The following FMN2 variants were observed in gnomAD, a reference collection of about 807,000 sequenced individuals.
The protein encoded by FMN2 is formin 2.
Under a neutral mutation model 142.3 loss-of-function variants are expected in FMN2, and 51 were observed. That is an observed-to-expected ratio of 0.36 (90% CI 0.29 to 0.45). The LOEUF (loss-of-function observed/expected upper bound fraction) is 0.45. Ranked by LOEUF, FMN2 falls within the 20% of genes least tolerant of loss-of-function variation. The pLI is 1.00. For missense variants in FMN2, 1,936 were observed against 2,122.8 expected, an observed-to-expected ratio of 0.91 and a Z score of 1.73; for synonymous variants, 882 against 869.8, an observed-to-expected ratio of 1.01 and a Z score of -0.25.
chr1:240,099,430 A>T (rs1479093081), intron 1 of FMN2, among the ~76,000 whole-genome samples: 2 of 150,316 alleles, frequency 1.3e-5, no homozygotes, highest in African/African-American at 4.9e-5. Context: ...AAAGCATATG[A>T]TGGGGTGTGG....
intron 4 of FMN2, among the ~76,000 whole-genome samples, chr1:240,190,033 T>C (rs1665640886): frequency 6.6e-6 from 1 of 152,192 alleles, no homozygotes; most frequent in East Asian, 1.9e-4. Flanking sequence ...ATATCAACAA[T>C]GATAAAACAT....
chr1:240,189,626 T>C (rs1665623488), intron 4 of FMN2, among the ~76,000 whole-genome samples: 1 of 152,220 alleles, frequency 6.6e-6, no homozygotes, highest in Admixed American at 6.5e-5. Flanking sequence ...AAAATGCGGC[T>C]AGGTTAGCTA....
At chr1:240,171,151 G>A in intron 2 of FMN2, 2 of 1,061,512 alleles carry the variant, frequency 1.9e-6, no homozygotes, top group Middle Eastern at 3.0e-4. Context: ...TGTAGAAAGT[G>A]TCCCAAAGTT....
At chr1:240,230,078 G>A (rs534828298) in intron 6 of FMN2, among the ~76,000 whole-genome samples, 1 of 131,592 alleles carries the variant, frequency 7.6e-6, no homozygotes, top group East Asian at 2.2e-4. Flanking sequence ...CCTTTTGGGA[G>A]GCTGAGGTGG....
At chr1:240,160,340 C>T (rs1664227770) in intron 2 of FMN2, among the ~76,000 whole-genome samples, 1 of 151,424 alleles carries the variant, frequency 6.6e-6, no homozygotes. Context: ...TAAAGGAATG[C>T]AAGGCTGGTT....
intron 2 of FMN2, among the ~76,000 whole-genome samples, chr1:240,128,913 G>T (rs1332648112): frequency 1.3e-5 from 2 of 151,948 alleles, no homozygotes; most frequent in African/African-American, 2.4e-5. Context: ...TCATTATGCT[G>T]CCCAGGATGG....
At chr1:240,225,502 A>G (rs1196942642) in intron 6 of FMN2, among the ~76,000 whole-genome samples, 1 of 152,258 alleles carries the variant, frequency 6.6e-6, no homozygotes, top group Non-Finnish European at 1.5e-5. Flanking sequence ...AGCCAGAAAC[A>G]GATTTCACTG....
At chr1:240,421,387 G>T (rs1416700284) in intron 15 of FMN2, among the ~76,000 whole-genome samples, 3 of 151,898 alleles carry the variant, frequency 2.0e-5, no homozygotes, top group African/African-American at 7.3e-5. Flanking sequence ...AATATAACAC[G>T]TTCAAATTAC....
chr1:240,221,415 T>A (rs538274776), intron 6 of FMN2, among the ~76,000 whole-genome samples: 4 of 152,330 alleles, frequency 2.6e-5, no homozygotes, highest in Admixed American at 2.6e-4. Flanking sequence ...CCATTCTGAC[T>A]GGCATGAGAT....
At chr1:240,146,052 G>A (rs1663451672) in intron 2 of FMN2, among the ~76,000 whole-genome samples, 2 of 149,268 alleles carry the variant, frequency 1.3e-5, no homozygotes, top group Non-Finnish European at 3.0e-5. Flanking sequence ...GAAGGATAGG[G>A]TCTACATATG....
At chr1:240,147,121 A>G (rs1170405092) in intron 2 of FMN2, among the ~76,000 whole-genome samples, 2 of 152,158 alleles carry the variant, frequency 1.3e-5, no homozygotes, top group African/African-American at 2.4e-5. Flanking sequence ...CATGCCATTC[A>G]GTACTGACTG....
At chr1:240,143,057 G>C in intron 2 of FMN2, 1 of 1,498,860 alleles carries the variant, frequency 6.7e-7, no homozygotes. Context: ...TGTGGTAGGG[G>C]CAGAGGGTAA....
intron 2 of FMN2, among the ~76,000 whole-genome samples, chr1:240,131,377 G>A (rs554669522): frequency 6.6e-6 from 1 of 152,034 alleles, no homozygotes; most frequent in Non-Finnish European, 1.5e-5. Context: ...AAGACCTGAG[G>A]CATGCGTAGG....
chr1:240,226,809 G>GACACAC (rs35315482), intron 6 of FMN2, among the ~76,000 whole-genome samples: 15 of 149,638 alleles, frequency 1.0e-4, no homozygotes, highest in Admixed American at 2.7e-4. Flanking sequence ...ACACTTTAGT[G>GACACAC]ACACACACAC....
At chr1:240,306,499 G>C (rs1039246846) in intron 8 of FMN2, among the ~76,000 whole-genome samples, 2 of 152,064 alleles carry the variant, frequency 1.3e-5, no homozygotes, top group East Asian at 1.9e-4. Context: ...ACTCCTACTT[G>C]TAAGTGAGAA....
chr1:240,273,643 G>T (rs1196578620), intron 7 of FMN2, among the ~76,000 whole-genome samples: 2 of 151,862 alleles, frequency 1.3e-5, no homozygotes, highest in African/African-American at 4.8e-5. Context: ...GTATGGGAGT[G>T]GCATGAGGGG....
At chr1:240,118,202 T>C (rs1333705912) in intron 1 of FMN2, among the ~76,000 whole-genome samples, 1 of 152,070 alleles carries the variant, frequency 6.6e-6, no homozygotes, top group Non-Finnish European at 1.5e-5. Flanking sequence ...ATTGGGGCTG[T>C]TGCCTTGGGT....
At chr1:240,417,662 T>A (rs2103135737) in intron 15 of FMN2, among the ~76,000 whole-genome samples, 1 of 152,292 alleles carries the variant, frequency 6.6e-6, no homozygotes, top group South Asian at 2.1e-4. Flanking sequence ...ATGGTTTGCA[T>A]ATGGGAGCAA....
rs556688422 is a variant in FMN2 at position 240,283,164 on chromosome 1, C to T, written c.4154-11658C>T. The stretch of plus-strand genomic sequence containing the variant: ...TTCTTTTTTTTCTTCTTCCTTCTTA[C>T]ATCTTCTCAGCAGATTAATTAGAAC... On this transcript the variant is annotated intron_variant, in intron 7 of 17. Transcript: ENST00000319653. Among the ~76,000 whole-genome samples, 9 of 152,304 alleles carry T rather than the reference C, an allele frequency of 5.9e-5. No homozygotes were observed. In the South Asian group the frequency reaches 1.7e-3, roughly 28 times the overall value.
Sources: gnomAD v4.1 joint callset for allele counts (sites outside exome capture counted in the v4.1 genomes callset) on GRCh38, gnomAD v4.1.1 for gene constraint, MANE v1.5 for transcripts, NCBI Gene and HGNC (gene_info 2026-07-23, HGNC 2026-07-21) for gene names.